The following ARSB variants were observed in gnomAD, a reference collection of about 807,000 sequenced individuals.
The protein encoded by ARSB is N-acetylgalactosamine-4-sulfatase.
Under a neutral mutation model 50.9 loss-of-function variants are expected in ARSB, and 41 were observed. The observed-to-expected ratio is 0.81, with a 90% CI of 0.63 to 1.04. The LOEUF is 1.04. ARSB is among the 50% of genes least tolerant of loss of function. The pLI is 0.00. For missense variants in ARSB, 672 were observed against 693.3 expected (o/e 0.97, Z 0.35); for synonymous variants, 269 against 284.8 (o/e 0.94, Z 0.56).
chr5:78,789,159 T>C (rs1486002256), intron 6 of ARSB, among the ~76,000 whole-genome samples: 2 of 152,250 alleles, frequency 1.3e-5, no homozygotes, highest in Non-Finnish European at 2.9e-5. Flanking sequence ...GGAAACACAG[T>C]ATTTTTCATA....
At chr5:78,878,545 T>G (rs1046969088) in intron 5 of ARSB, among the ~76,000 whole-genome samples, 4 of 137,614 alleles carry the variant, frequency 2.9e-5, no homozygotes, top group African/African-American at 1.0e-4. Flanking sequence ...GTATGTGGAA[T>G]GAAGTATCAT....
chr5:78,937,320 T>C (rs1166604264), intron 4 of ARSB, among the ~76,000 whole-genome samples: 3 of 83,338 alleles, frequency 3.6e-5, no homozygotes, highest in Non-Finnish European at 7.2e-5. Context: ...CATATATATG[T>C]AAGATATATA....
chr5:78,964,347 T>C (rs2112513261), intron 3 of ARSB, 69 bp downstream of exon 3: 1 of 1,474,650 alleles, frequency 6.8e-7, no homozygotes, highest in East Asian at 2.3e-5. Context: ...AATGGCCTTT[T>C]CCTACATTTG....
chr5:78,953,179 C>T (rs76249937), intron 4 of ARSB, among the ~76,000 whole-genome samples: 1,621 of 152,326 alleles, frequency 0.011, 29 homozygotes, highest in African/African-American at 0.037. Flanking sequence ...CACAAGTGAA[C>T]AAGGCTGCTC....
Position 78,806,840 on chromosome 5 carries a change from G to A in ARSB, c.1214-24866C>T, listed in dbSNP as rs79266276. Reference sequence around the variant, plus strand: ...CCGGAATGTGCCATGTGGACAGGAAGCTAGACAAGACGGTTACCTCAAATG... The same window carrying A: ...CCGGAATGTGCCATGTGGACAGGAAACTAGACAAGACGGTTACCTCAAATG... On this transcript the variant is annotated intron_variant, in intron 6 of 7. Coordinates refer to ENST00000264914, the MANE Select transcript of ARSB (RefSeq NM_000046.5). Among the ~76,000 whole-genome samples, 713 of 152,320 alleles carry A rather than the reference G, an allele frequency of 4.7e-3. 5 individuals carry two copies. The highest frequency in any genetic ancestry group is 0.017 in the African/African-American group (689 of 41,572).
chr5:78,875,946 G>A (rs768585361), intron 5 of ARSB, among the ~76,000 whole-genome samples: 6 of 152,080 alleles, frequency 3.9e-5, no homozygotes, highest in Non-Finnish European at 7.3e-5. Flanking sequence ...GGGATTACAG[G>A]CATAAGCCAC....
intron 6 of ARSB, among the ~76,000 whole-genome samples, chr5:78,835,808 T>G (rs1273767008): frequency 6.6e-6 from 1 of 152,170 alleles, no homozygotes; most frequent in Non-Finnish European, 1.5e-5. Flanking sequence ...AATTCCTTCT[T>G]TACTCCACAG....
intron 4 of ARSB, among the ~76,000 whole-genome samples, chr5:78,921,228 C>T (rs1400583543): frequency 1.3e-5 from 2 of 152,192 alleles, no homozygotes; most frequent in Non-Finnish European, 2.9e-5. Flanking sequence ...GTCTCACTCT[C>T]CAATGACCAC....
intron 4 of ARSB, among the ~76,000 whole-genome samples, chr5:78,888,384 A>C (rs1156457423): frequency 6.6e-6 from 1 of 152,242 alleles, no homozygotes; most frequent in East Asian, 1.9e-4. Flanking sequence ...AACTTAGAAG[A>C]AGGTGCTATT....
intron 4 of ARSB, among the ~76,000 whole-genome samples, chr5:78,950,770 A>C (rs10055350): frequency 0.29 from 44,271 of 152,076 alleles, 7,272 homozygotes; most frequent in Non-Finnish European, 0.37. Context: ...ATCAACCAGG[A>C]AACAGTGACC....
At chr5:78,946,042 C>T (rs2112454871) in intron 4 of ARSB, among the ~76,000 whole-genome samples, 1 of 152,296 alleles carries the variant, frequency 6.6e-6, no homozygotes, top group African/African-American at 2.4e-5. Context: ...TCCCAGTTAT[C>T]TTTTTATCTG....
intron 4 of ARSB, among the ~76,000 whole-genome samples, chr5:78,941,563 T>C (rs1422300443): frequency 6.6e-6 from 1 of 152,268 alleles, no homozygotes; most frequent in Non-Finnish European, 1.5e-5. Context: ...TCTTTGGTTC[T>C]CTTTATATGC....
At chr5:78,944,967 C>T (rs1400886055) in intron 4 of ARSB, among the ~76,000 whole-genome samples, 2 of 152,192 alleles carry the variant, frequency 1.3e-5, no homozygotes, top group Non-Finnish European at 2.9e-5. Context: ...CTACTCAAGC[C>T]TTGGCAATGG....
rs1441312765 is a variant in ARSB, at chr5:78,940,275, CTTTAG to C, written c.898+15015_898+15019del. ...TAGTTTCTTTTGCTGTGCAGAAGCT[CTTTAG>C]TTTAATTAGATCCCATTTGTCTATT... On this transcript the variant is annotated intron_variant, in intron 4 of 7. Transcript: ENST00000264914. Among the ~76,000 whole-genome samples, 60 of 152,298 alleles carry C rather than the reference CTTTAG, an allele frequency of 3.9e-4. No homozygotes were observed. In the East Asian group the frequency reaches 8.3e-3, roughly 21 times the overall value.
chr5:78,898,950 A>T (rs1748688040), intron 4 of ARSB, among the ~76,000 whole-genome samples: 1 of 152,178 alleles, frequency 6.6e-6, no homozygotes, highest in Non-Finnish European at 1.5e-5. Flanking sequence ...TTTTTCTTTC[A>T]GACTGAAGAA....
chr5:78,931,514 A>T (rs554287191), intron 4 of ARSB, among the ~76,000 whole-genome samples: 1 of 152,170 alleles, frequency 6.6e-6, no homozygotes, highest in East Asian at 1.9e-4. Context: ...GTCTCTGGCC[A>T]TTTCACTGCT....
chr5:78,837,213 A>G (rs1744993341), intron 6 of ARSB, among the ~76,000 whole-genome samples: 1 of 152,182 alleles, frequency 6.6e-6, no homozygotes, highest in South Asian at 2.1e-4. Context: ...TTGTAGGTGG[A>G]ATTTAGCAGG....
chr5:78,980,419 C>T (rs921947085), intron 1 of ARSB, among the ~76,000 whole-genome samples: 3 of 152,164 alleles, frequency 2.0e-5, no homozygotes, highest in African/African-American at 7.2e-5. Flanking sequence ...TTCACTTCAC[C>T]ATTCTTTGAT....
chr5:78,925,910 AC>A (rs1750023708), intron 4 of ARSB, among the ~76,000 whole-genome samples: 1 of 152,206 alleles, frequency 6.6e-6, no homozygotes. Flanking sequence ...CTTAATAATA[AC>A]AACCCTCTTT....
Sources: gnomAD v4.1 joint callset for allele counts (sites outside exome capture counted in the v4.1 genomes callset) on GRCh38, gnomAD v4.1.1 for gene constraint, MANE v1.5 for transcripts, NCBI Gene and HGNC (gene_info 2026-07-23, HGNC 2026-07-21) for gene names.